Variants in PRKG1 observed in about 807,000 individuals in gnomAD.
PRKG1 encodes the protein protein kinase cGMP-dependent 1.
In PRKG1, 35 loss-of-function variants were observed where a neutral mutation model predicts 88.1. The observed-to-expected ratio is 0.40, with a 90% CI of 0.30 to 0.53. The LOEUF (loss-of-function observed/expected upper bound fraction) is 0.53. PRKG1 is among the 20% of genes least tolerant of loss of function. The pLI, the probability that PRKG1 is intolerant of heterozygous loss-of-function variation, is 0.59. For synonymous variants in PRKG1, 303 were observed against 292.5 expected (o/e 1.04, Z -0.37); for missense variants, 540 against 839.8 (o/e 0.64, Z 4.41).
chr10:52,256,440 C>G lies in PRKG1; in HGVS notation c.1173+4774C>G, dbSNP rs559141471. Among the ~76,000 whole-genome samples, 3 of 139,018 alleles carry G rather than the reference C, an allele frequency of 2.2e-5. 1 individual carries two copies. Among genetic ancestry groups the G allele is most frequent in the East Asian group, 2.1e-4 (1 of 4,826 alleles). The allele number at this position is 139,018 out of a possible 152,430, so 91.2% of individuals were successfully genotyped here. A position where few individuals can be genotyped will look rare whatever the true frequency, so the allele number is the denominator to read the frequency against. On this transcript the variant is annotated intron_variant, in intron 10 of 17. Coordinates refer to ENST00000373980, the MANE Select transcript of PRKG1 (RefSeq NM_006258.4). Reference sequence around the variant, plus strand: ...TAGGCTTTCTGGATTCAGATATTACCCATTGTGTATGCTTAGTCATTTACT... The same window carrying G: ...TAGGCTTTCTGGATTCAGATATTACGCATTGTGTATGCTTAGTCATTTACT...
intron 2 of PRKG1, among the ~76,000 whole-genome samples, chr10:51,204,227 G>C (rs1185245163): frequency 6.6e-6 from 1 of 152,156 alleles, no homozygotes; most frequent in Non-Finnish European, 1.5e-5. Context: ...AGCTGGCTTA[G>C]CACATGGAAA....
chr10:51,420,209 G>A (rs559775853), intron 2 of PRKG1, among the ~76,000 whole-genome samples: 88 of 152,302 alleles, frequency 5.8e-4, no homozygotes, highest in South Asian at 3.9e-3. Flanking sequence ...TTAGGAGCAA[G>A]AGAATTGAGA....
intron 1 of PRKG1, among the ~76,000 whole-genome samples, chr10:51,126,303 A>G (rs1845414251): frequency 8.7e-6 from 1 of 114,446 alleles, no homozygotes; most frequent in Admixed American, 9.9e-5. Context: ...AAATATTTAT[A>G]TATTTATAAT....
rs1295817464 is a variant in PRKG1 at position 51,182,412 on chromosome 10, G to A, written c.478+29082G>A. 2.6e-5 allele frequency among the ~76,000 whole-genome samples: 4 copies of A among 152,318 alleles called. No homozygotes were observed. The East Asian group carries it at 5.8e-4, about 22-fold the overall frequency. ...CAACAGGTTCCTGTATCCCAGGGCA[G>A]CTATGGTGGTATCCATTTTACTGTA... On this transcript the variant is annotated intron_variant, in intron 2 of 17. Transcript: ENST00000373980.
In PRKG1 at chr10:51,201,538, G is replaced by A. The variant is rs572790795; in HGVS notation, c.478+48208G>A. 1.5e-3 allele frequency among the ~76,000 whole-genome samples: 221 copies of A among 152,282 alleles called. 1 individual carries two copies. Among genetic ancestry groups the A allele is most frequent in the Non-Finnish European group, 2.6e-3 (178 of 68,012 alleles). Reference sequence around the variant, plus strand: ...TTTGTGTTTGTTCATTTATTAACCTGTCATTAGTAAATGCTATGGAATAAA... The same window carrying A: ...TTTGTGTTTGTTCATTTATTAACCTATCATTAGTAAATGCTATGGAATAAA... On this transcript the variant is annotated intron_variant, in intron 2 of 17. Coordinates refer to ENST00000373980, the MANE Select transcript of PRKG1 (RefSeq NM_006258.4).
chr10:51,844,906 A>G (rs1428419555), intron 4 of PRKG1, among the ~76,000 whole-genome samples: 1 of 152,162 alleles, frequency 6.6e-6, no homozygotes, highest in Non-Finnish European at 1.5e-5. Flanking sequence ...AAAATATCTG[A>G]CAGTGCTTTT....
rs1845247949 is a variant in PRKG1 at position 52,023,669 on chromosome 10, A to G, written c.763-30815A>G. On this transcript the variant is annotated intron_variant, in intron 5 of 17. Transcript: ENST00000373980. ...ATTTGCATTTCTCTGATGGCCAGTG[A>G]TGGCGAGCATTTTTTCATGTGTCTG... Among the ~76,000 whole-genome samples the G allele has an allele frequency of 2.0e-5, 3 of 152,234 alleles. No homozygotes were observed. In the South Asian group the frequency reaches 6.2e-4, roughly 32 times the overall value.
At chr10:52,284,492 CA>C (rs1202923014) in intron 14 of PRKG1, among the ~76,000 whole-genome samples, 2 of 69,300 alleles carry the variant, frequency 2.9e-5, no homozygotes, top group African/African-American at 1.1e-4. Flanking sequence ...AGACGGTGGC[CA>C]GGGGTGGGGG....
At chr10:51,557,978 G>T (rs1220676847) in intron 3 of PRKG1, among the ~76,000 whole-genome samples, 4 of 151,924 alleles carry the variant, frequency 2.6e-5, no homozygotes, top group Non-Finnish European at 5.9e-5. Flanking sequence ...TTCCAATCAA[G>T]GTTTCTATTG....
chr10:51,959,681 G>C (rs1843398695), intron 5 of PRKG1, among the ~76,000 whole-genome samples: 1 of 152,140 alleles, frequency 6.6e-6, no homozygotes. Context: ...AATAGGGAGA[G>C]AGTTTGGAGG....
At chr10:51,509,666 C>T (rs891418247) in intron 3 of PRKG1, among the ~76,000 whole-genome samples, 5 of 152,096 alleles carry the variant, frequency 3.3e-5, no homozygotes, top group African/African-American at 1.2e-4. Flanking sequence ...GGAGCCTAGC[C>T]AGCAGTAATA....
intron 1 of PRKG1, among the ~76,000 whole-genome samples, chr10:51,054,326 G>T (rs1483042716): frequency 6.6e-6 from 1 of 152,124 alleles, no homozygotes; most frequent in Non-Finnish European, 1.5e-5. Flanking sequence ...AAAGAATAAA[G>T]TATAAAATAA....
chr10:51,443,526 T>C (rs530026653), intron 2 of PRKG1, among the ~76,000 whole-genome samples: 1 of 152,188 alleles, frequency 6.6e-6, no homozygotes, highest in South Asian at 2.1e-4. Flanking sequence ...GTATCAACTC[T>C]AATAGCTTCC....
intron 2 of PRKG1, among the ~76,000 whole-genome samples, chr10:51,262,382 G>A (rs1339058640): frequency 6.6e-6 from 1 of 152,092 alleles, no homozygotes; most frequent in Admixed American, 6.5e-5. Flanking sequence ...GACACCATAT[G>A]ACATCCTTAT....
intron 2 of PRKG1, among the ~76,000 whole-genome samples, chr10:51,358,666 CAGA>C (rs1478246835): frequency 2.6e-5 from 4 of 151,706 alleles, no homozygotes; most frequent in Admixed American, 2.6e-4. Flanking sequence ...AGGTTATAAC[CAGA>C]AGAAGATAAT....
chr10:51,647,324 A>G (rs1290664689), intron 3 of PRKG1, among the ~76,000 whole-genome samples: 1 of 152,150 alleles, frequency 6.6e-6, no homozygotes, highest in Non-Finnish European at 1.5e-5. Flanking sequence ...TTCTTCATCA[A>G]TATAATTGAG....
chr10:52,134,055 A>G (rs1837338085), intron 8 of PRKG1, 150 bp downstream of exon 8: 1 of 689,952 alleles, frequency 1.4e-6, no homozygotes, highest in Non-Finnish European at 2.3e-6. Flanking sequence ...CTCATTCCCT[A>G]TTCTTAAAAG....
chr10:51,699,544 C>G (rs758150172), intron 3 of PRKG1: 1 of 1,608,458 alleles, frequency 6.2e-7, no homozygotes, highest in East Asian at 2.2e-5. Context: ...CCGCCAAACT[C>G]GACATGATTC....
intron 9 of PRKG1, among the ~76,000 whole-genome samples, chr10:52,186,398 A>G (rs1839202061): frequency 6.6e-6 from 1 of 152,064 alleles, no homozygotes; most frequent in Non-Finnish European, 1.5e-5. Flanking sequence ...CTATGATCCA[A>G]TCACCTCCTG....
Sources: allele counts gnomAD v4.1 joint callset (sites outside exome capture counted in the v4.1 genomes callset), GRCh38; gene constraint gnomAD v4.1.1; transcripts MANE v1.5; gene names NCBI Gene and HGNC (gene_info 2026-07-23, HGNC 2026-07-21).